ABCA10: variants seen among roughly 807,000 people sequenced by gnomAD.
ABCA10 encodes the protein ATP binding cassette subfamily A member 10.
In ABCA10, 169 loss-of-function variants were observed where a neutral mutation model predicts 187.5. That is an observed-to-expected ratio of 0.90 (90% confidence interval 0.80 to 1.02). The LOEUF (loss-of-function observed/expected upper bound fraction) is 1.02, where lower values mean the gene tolerates loss of function less well. Among genes scored for constraint, ABCA10 ranks in the 50% least tolerant of loss-of-function variants. ABCA10 has a pLI of 0.00. For missense variants in ABCA10, 1,727 were observed against 1,812.4 expected (o/e 0.95, Z 0.86); for synonymous variants, 574 against 601.8 (o/e 0.95, Z 0.68).
chr17:69,211,360 T>TATATAC (rs1555663047), intron 9 of ABCA10, among the ~76,000 whole-genome samples: 7 of 30,464 alleles, frequency 2.3e-4, no homozygotes, highest in East Asian at 1.3e-3. Context: ...TATATATATA[T>TATATAC]ACACACACAC....
At chr17:69,182,576 T>C in intron 21 of ABCA10, 99 bp downstream of exon 21, 1 of 1,355,752 alleles carries the variant, frequency 7.4e-7, no homozygotes, top group Non-Finnish European at 9.6e-7. Flanking sequence ...GATGCCAATT[T>C]AGAAAACATA....
At chr17:69,182,994 A>G (rs2074392389) in intron 20 of ABCA10, among the ~76,000 whole-genome samples, 186 bp from the exon 21 acceptor site, 1 of 152,168 alleles carries the variant, frequency 6.6e-6, no homozygotes, top group South Asian at 2.1e-4. Flanking sequence ...TCCATTTACT[A>G]TCTTCAATGT....
Position 69,193,936 on chromosome 17 carries a change from T to G in ABCA10, c.1399A>C (p.Ile467Leu). 6.2e-7 allele frequency: 1 copy of G among 1,612,076 alleles called. No homozygotes were observed. Among genetic ancestry groups the G allele is most frequent in the Non-Finnish European group, 8.5e-7 (1 of 1,178,662 alleles). ...QLSEITDMEE[I>L]RKNIGFCPQF... is the part of the protein sequence containing the mutation. ...GGACAAAATCCAATATTCTTTCTAA[T>G]TTCTTCCATGTCAGTTATTTCAGAG... The change falls in exon 13 of 39, where the codon ATT becomes CTT. Residue 467 changes from isoleucine (I) to leucine (L), a missense_variant. Coordinates refer to ENST00000690296, the MANE Select transcript of ABCA10 (RefSeq NM_001377321.1).
chr17:69,218,855 C>T (rs1231449641), intron 6 of ABCA10, among the ~76,000 whole-genome samples: 4 of 152,094 alleles, frequency 2.6e-5, no homozygotes, highest in Non-Finnish European at 4.4e-5. Context: ...TGGTAAATTC[C>T]TTTATTGCCC....
At chr17:69,216,128 G>A in intron 7 of ABCA10, 89 bp downstream of exon 7, 13 of 1,542,638 alleles carry the variant, frequency 8.4e-6, no homozygotes, top group South Asian at 1.2e-5. Context: ...AAAATATAGT[G>A]ATTACACTAA....
chr17:69,190,444 T>C lies in ABCA10; in HGVS notation c.2045A>G (p.Gln682Arg), dbSNP rs767099448. Residue 682 changes from glutamine to arginine, a missense_variant, in exon 18 of 39, where the codon CAG becomes CGG. Physicochemically the swap from Gln to Arg is conservative, Grantham distance 43. Coordinates refer to ENST00000690296, the MANE Select transcript of ABCA10 (RefSeq NM_001377321.1). ...LYSDLDKCSD[Q>R]GIRNYAVSVT... ...TGAAACAGCATAATTCCTTATGCCC[T>C]GGTCAGAACACTTATCAAGGTCACT... 1.3e-6 allele frequency: 2 copies of C among 1,584,016 alleles called. No individual in the cohort carries two copies. The highest frequency in any genetic ancestry group is 2.4e-5 in the South Asian group (2 of 84,274).
chr17:69,217,478 A>G (rs534983304), intron 6 of ABCA10, among the ~76,000 whole-genome samples: 1 of 152,356 alleles, frequency 6.6e-6, no homozygotes, highest in African/African-American at 2.4e-5. Flanking sequence ...TCACAGCTTT[A>G]TTCATAAATG....
chr17:69,165,169 G>T, intron 25 of ABCA10, 86 bp from the exon 26 acceptor site: 1 of 1,142,672 alleles, frequency 8.8e-7, no homozygotes. Context: ...GTTTTCCTGG[G>T]AGATACTGCC....
intron 30 of ABCA10, 139 bp downstream of exon 30, chr17:69,154,880 C>CAT: frequency 1.8e-6 from 1 of 567,588 alleles, no homozygotes. Flanking sequence ...TATCTGCTGA[C>CAT]ATGTGAAGAA....
chr17:69,190,539 T>A, intron 17 of ABCA10, 62 bp from the exon 18 acceptor site: 1 of 1,406,760 alleles, frequency 7.1e-7, no homozygotes, highest in African/African-American at 1.5e-5. Context: ...ATTAAAATAC[T>A]AATTTCTAAA....
Position 69,156,921 on chromosome 17 carries a change from T to C in ABCA10, c.3366A>G (p.Pro1122=), listed in dbSNP as rs771476581. ...NKTILLTTLI[P]YLQSVIFLFV... ...AAAGGAAAATAACACTCTGAAGGTA[T>C]GGCTAAAAGAAAAGAAAAATAATCA... The change falls in exon 28 of 39, where the codon CCA becomes CCG. Residue 1122 remains proline (P), a splice_region_variant and synonymous_variant. Transcript: ENST00000690296. The C allele has an allele frequency of 1.9e-6, 3 of 1,561,894 alleles. No homozygotes were observed. The highest frequency in any genetic ancestry group is 2.4e-5 in the South Asian group (2 of 83,918).
chr17:69,162,834 TATAC>T (rs1473254228), intron 27 of ABCA10, among the ~76,000 whole-genome samples: 4 of 67,476 alleles, frequency 5.9e-5, no homozygotes, highest in African/African-American at 3.0e-4. Context: ...TACATATACA[TATAC>T]ATATATATAT....
At position 69,154,254 on chromosome 17, in the gene ABCA10, G is replaced by T; in HGVS notation, c.3767C>A (p.Thr1256Lys). The T allele has an allele frequency of 6.2e-7, 1 of 1,611,602 alleles. No individual in the cohort carries two copies. The highest frequency in any genetic ancestry group is 1.3e-5 in the African/African-American group (1 of 74,870). ...STSIKMITGC[T>K]KPTAGVVVLQ... is the part of the protein sequence containing the mutation. ...ACATACCACTCCTGCAGTTGGCTTT[G>T]TGCACCCAGTTATCATTTTAATGGA... The change falls in exon 31 of 39, where the codon ACA (threonine) becomes AAA (lysine). Residue 1256 changes from threonine to lysine, a missense_variant. Transcript: ENST00000690296.
chr17:69,211,320 T>TATATATATATATATATATG (rs2074650498), intron 9 of ABCA10, among the ~76,000 whole-genome samples: 2 of 6,142 alleles, frequency 3.3e-4, no homozygotes, highest in East Asian at 2.6e-3. Context: ...ATATGATATA[T>TATATATATATATATATATG]ATATATATAT....
At chr17:69,175,973 A>G (rs1355207611) in intron 22 of ABCA10, among the ~76,000 whole-genome samples, 1 of 152,160 alleles carries the variant, frequency 6.6e-6, no homozygotes, top group Non-Finnish European at 1.5e-5. Context: ...ACAGCATGCA[A>G]TTTAAAACAT....
chr17:69,179,033 C>G (rs1288907883), intron 22 of ABCA10: 1 of 152,038 alleles, frequency 6.6e-6, no homozygotes, highest in East Asian at 1.9e-4. Flanking sequence ...GGTTATGTAT[C>G]TATGCATCAT....
intron 10 of ABCA10, among the ~76,000 whole-genome samples, chr17:69,197,394 GAAGGA>G (rs1256651066): frequency 6.6e-6 from 1 of 151,112 alleles, no homozygotes; most frequent in Non-Finnish European, 1.5e-5. Context: ...AAAAAAAAAA[GAAGGA>G]AAGAAGGAAG....
chr17:69,193,889 G>T lies in ABCA10; in HGVS notation c.1446C>A (p.Asp482Glu). ...GFCPQFNFQF[D>E]FLTVRENLRV... is the part of the protein sequence containing the mutation. ...TGAGGTTTTCTCTCACAGTGAGGAA[G>T]TCAAATTGAAAATTGAACTGTGGAC... The change falls in exon 13 of 39, where the codon GAC (aspartate) becomes GAA (glutamate). Residue 482 changes from aspartate (D) to glutamate (E), a missense_variant. Coordinates refer to ENST00000690296, the MANE Select transcript of ABCA10 (RefSeq NM_001377321.1). The T allele has an allele frequency of 6.2e-7, 1 of 1,613,500 alleles. No individual in the cohort carries two copies. The highest frequency in any genetic ancestry group is 1.7e-5 in the Admixed American group (1 of 59,990).
At chr17:69,162,838 C>CATATACATATACATATATATATATATAT (rs375141032) in intron 27 of ABCA10, among the ~76,000 whole-genome samples, 88 of 120,802 alleles carry the variant, frequency 7.3e-4, no homozygotes, top group African/African-American at 3.1e-3. Context: ...TATACATATA[C>CATATACATATACATATATATATATATAT]ATATATATAT....
Sources: gnomAD v4.1 joint callset for allele counts (sites outside exome capture counted in the v4.1 genomes callset) on GRCh38, gnomAD v4.1.1 for gene constraint, MANE v1.5 for transcripts, NCBI Gene and HGNC (gene_info 2026-07-23, HGNC 2026-07-21) for gene names.